Variants in SLC35D4 observed in about 807,000 individuals in gnomAD.
SLC35D4 encodes solute carrier family 35 member D4.
At chr18:23,298,192 A>G in the SLC35D4 span, 1 of 1,065,082 alleles carries the variant, frequency 9.4e-7, no homozygotes, top group Non-Finnish European at 1.4e-6. Context: ...ACCAGCCCGA[A>G]CTGCCATGCT....
chr18:23,340,207 C>T, the SLC35D4 span, among the ~76,000 whole-genome samples: 11 of 152,092 alleles, frequency 7.2e-5, no homozygotes, highest in East Asian at 1.9e-4. Context: ...CATGGTGGTG[C>T]GTGCCTATAG....
At chr18:23,407,740 G>A in the SLC35D4 span, among the ~76,000 whole-genome samples, 6 of 152,164 alleles carry the variant, frequency 3.9e-5, no homozygotes, top group African/African-American at 1.2e-4. Flanking sequence ...ATCCAATAGA[G>A]GGGATAATGA....
chr18:23,278,803 C>T, the SLC35D4 span, among the ~76,000 whole-genome samples: 4 of 151,922 alleles, frequency 2.6e-5, no homozygotes, highest in Non-Finnish European at 4.4e-5. Context: ...CTCAGGAGTT[C>T]GAGGCCAGCC....
At chr18:23,324,679 C>A in the SLC35D4 span, among the ~76,000 whole-genome samples, 38 of 152,270 alleles carry the variant, frequency 2.5e-4, no homozygotes, top group East Asian at 6.4e-3. Context: ...TGGGAACAAA[C>A]CCCACTTAGG....
At chr18:23,293,448 G>A in the SLC35D4 span, among the ~76,000 whole-genome samples, 1 of 152,226 alleles carries the variant, frequency 6.6e-6, no homozygotes, top group Non-Finnish European at 1.5e-5. Context: ...GAAAAATGAT[G>A]TGATATTTTA....
the SLC35D4 span, among the ~76,000 whole-genome samples, chr18:23,282,700 T>A: frequency 6.6e-6 from 1 of 152,058 alleles, no homozygotes; most frequent in South Asian, 2.1e-4. Flanking sequence ...TGGGGGGCAA[T>A]GCCCAGGAAC....
the SLC35D4 span, among the ~76,000 whole-genome samples, chr18:23,290,315 G>T: frequency 6.6e-6 from 1 of 152,234 alleles, no homozygotes; most frequent in African/African-American, 2.4e-5. Context: ...GCCAATGGGG[G>T]CCTGATTGCC....
chr18:23,294,790 AAAAAC>A, the SLC35D4 span, among the ~76,000 whole-genome samples: 1 of 152,154 alleles, frequency 6.6e-6, no homozygotes, highest in African/African-American at 2.4e-5. Context: ...AAACAAACCA[AAAAAC>A]AAAGAGGACT....
At chr18:23,403,737 T>C in the SLC35D4 span, among the ~76,000 whole-genome samples, 3 of 152,164 alleles carry the variant, frequency 2.0e-5, no homozygotes, top group African/African-American at 7.2e-5. Context: ...CTTGAGATGC[T>C]TTTGGGACAC....
At chr18:23,411,521 GAAA>G in the SLC35D4 span, among the ~76,000 whole-genome samples, 1 of 151,254 alleles carries the variant, frequency 6.6e-6, no homozygotes, top group Non-Finnish European at 1.5e-5. Flanking sequence ...AAGAAAGAAA[GAAA>G]GAAAGAAAGA....
chr18:23,285,745 G>GC, the SLC35D4 span, among the ~76,000 whole-genome samples: 1 of 151,776 alleles, frequency 6.6e-6, no homozygotes, highest in Admixed American at 6.6e-5. Flanking sequence ...CTCAGCCTCC[G>GC]CTTCTCCACC....
At chr18:23,321,752 G>A in the SLC35D4 span, among the ~76,000 whole-genome samples, 1 of 152,132 alleles carries the variant, frequency 6.6e-6, no homozygotes, top group African/African-American at 2.4e-5. Context: ...ACCACACCTG[G>A]CTGGCCTTTT....
chr18:23,282,956 G>T, the SLC35D4 span, among the ~76,000 whole-genome samples: 2 of 151,944 alleles, frequency 1.3e-5, no homozygotes, highest in South Asian at 4.2e-4. Context: ...ACTGACTGAG[G>T]GGACCCCCGA....
At chr18:23,376,143 T>C in the SLC35D4 span, among the ~76,000 whole-genome samples, 2 of 152,248 alleles carry the variant, frequency 1.3e-5, no homozygotes, top group Non-Finnish European at 2.9e-5. Flanking sequence ...AACTTTGCCA[T>C]ATGCCATCTC....
chr18:23,383,883 C>A, the SLC35D4 span, among the ~76,000 whole-genome samples: 2 of 150,650 alleles, frequency 1.3e-5, no homozygotes, highest in African/African-American at 4.9e-5. Context: ...CTCCAAGGAG[C>A]GGCAGGATGA....
chr18:23,337,212 G>A, the SLC35D4 span, among the ~76,000 whole-genome samples: 1 of 152,276 alleles, frequency 6.6e-6, no homozygotes, highest in Non-Finnish European at 1.5e-5. Flanking sequence ...GGTGGCTCAC[G>A]CCTGTAATCC....
the SLC35D4 span, among the ~76,000 whole-genome samples, chr18:23,280,221 C>T: frequency 1.3e-5 from 2 of 152,252 alleles, no homozygotes; most frequent in Non-Finnish European, 2.9e-5. Flanking sequence ...TGCGCGCAGC[C>T]GACTGCACAG....
chr18:23,408,093 CTG>C, the SLC35D4 span, among the ~76,000 whole-genome samples: 29 of 151,892 alleles, frequency 1.9e-4, no homozygotes, highest in Non-Finnish European at 2.5e-4. Flanking sequence ...GTTATTTTAT[CTG>C]TGAGTCCTTC....
At chr18:23,364,022 T>C in the SLC35D4 span, among the ~76,000 whole-genome samples, 1 of 152,204 alleles carries the variant, frequency 6.6e-6, no homozygotes, top group Non-Finnish European at 1.5e-5. Flanking sequence ...TTACGAGACA[T>C]GGATTCAGAT....
Sources: allele counts gnomAD v4.1 joint callset (sites outside exome capture counted in the v4.1 genomes callset), GRCh38; gene constraint gnomAD v4.1.1; transcripts MANE v1.5; gene names NCBI Gene and HGNC (gene_info 2026-07-23, HGNC 2026-07-21).